LRP2: variants seen among roughly 807,000 people sequenced by gnomAD.
LRP2 encodes the protein LDL receptor related protein 2, also known as low-density lipoprotein receptor-related protein 2.
LRP2 carries 172 observed loss-of-function variants against 531.0 expected under a neutral mutation model. The observed-to-expected ratio is 0.32, with a 90% confidence interval of 0.29 to 0.37. The LOEUF (loss-of-function observed/expected upper bound fraction) is 0.37. LRP2 is among the 10% of genes least tolerant of loss of function. The pLI is 1.00. For missense variants in LRP2, 5,167 were observed against 5,868.3 expected (o/e 0.88, Z 3.90); for synonymous variants, 1,992 against 2,027.6 (o/e 0.98, Z 0.47).
At chr2:169,359,631 T>C (rs138415359) in intron 1 of LRP2, among the ~76,000 whole-genome samples, 259 of 152,180 alleles carry the variant, frequency 1.7e-3, no homozygotes, top group Non-Finnish European at 2.9e-3. Flanking sequence ...AGGAAATGCG[T>C]CTTAAAATGA....
chr2:169,240,858 C>G, intron 25 of LRP2, 130 bp downstream of exon 25: 2 of 1,067,130 alleles, frequency 1.9e-6, no homozygotes, highest in South Asian at 2.5e-5. Flanking sequence ...ACCCCCTACA[C>G]AGATGTGAAC....
chr2:169,343,715 G>C (rs570141894), intron 1 of LRP2, among the ~76,000 whole-genome samples: 5 of 152,292 alleles, frequency 3.3e-5, no homozygotes, highest in African/African-American at 1.2e-4. Flanking sequence ...GAAAGGGTTT[G>C]GCCACAGGTT....
chr2:169,305,178 C>T (rs868393627), intron 4 of LRP2, among the ~76,000 whole-genome samples: 2 of 152,162 alleles, frequency 1.3e-5, no homozygotes, highest in Non-Finnish European at 1.5e-5. Flanking sequence ...ATAGCACAGA[C>T]ATTTCTCCCA....
At chr2:169,318,032 G>A (rs768523400) in intron 3 of LRP2, among the ~76,000 whole-genome samples, 2 of 151,952 alleles carry the variant, frequency 1.3e-5, no homozygotes, top group South Asian at 2.1e-4. Context: ...AGCTGTGATC[G>A]CACCACTGCA....
chr2:169,216,267 T>C lies in LRP2; in HGVS notation c.5812A>G (p.Thr1938Ala). Reference sequence around the variant, plus strand: ...GGTGCTCATACCACTCCTCTTCCAGTGACTGCCCAGTAGAGTTTCTGCTCT... The same window carrying C: ...GGTGCTCATACCACTCCTCTTCCAGCGACTGCCCAGTAGAGTTTCTGCTCT... ...IEEQKLYWAV[T>A]GRGVIERGNV... Residue 1938 changes from threonine (T) to alanine (A), a missense_variant, in exon 35 of 79, where the codon ACT becomes GCT. Coordinates refer to ENST00000649046, the MANE Select transcript of LRP2 (RefSeq NM_004525.3). The C allele has an allele frequency of 6.2e-7, 1 of 1,613,460 alleles. No individual in the cohort carries two copies. Among genetic ancestry groups the C allele is most frequent in the Non-Finnish European group, 8.5e-7 (1 of 1,179,570 alleles).
intron 35 of LRP2, among the ~76,000 whole-genome samples, chr2:169,215,421 C>G (rs76747424): frequency 6.6e-6 from 1 of 152,168 alleles, no homozygotes; most frequent in South Asian, 2.1e-4. Flanking sequence ...AATGAGTGAA[C>G]GAGACTTTAT....
rs759714407 is a variant in LRP2 at position 169,202,964 on chromosome 2, A to G, written c.8006-5T>C. ...GGCACTCGGCACCATTTGGACCTGAAGAAAGATAATCCCAGAAGAAGTAAA... is the reference window on the plus strand; with the variant it reads ...GGCACTCGGCACCATTTGGACCTGAGGAAAGATAATCCCAGAAGAAGTAAA... On this transcript the variant is annotated splice_polypyrimidine_tract_variant and splice_region_variant and intron_variant, in intron 42 of 78. Transcript: ENST00000649046. 1 of 1,613,620 alleles carries G rather than the reference A, an allele frequency of 6.2e-7. No individual in the cohort carries two copies. Among genetic ancestry groups the G allele is most frequent in the Admixed American group, 1.7e-5 (1 of 60,004 alleles).
chr2:169,163,616 T>A (rs1284475281), intron 62 of LRP2, among the ~76,000 whole-genome samples: 1 of 152,208 alleles, frequency 6.6e-6, no homozygotes, highest in Non-Finnish European at 1.5e-5. Flanking sequence ...GGTTACTAAC[T>A]TTTAGAACAG....
At position 169,216,287 on chromosome 2, in the gene LRP2, T is replaced by C. The variant is rs759471913; in HGVS notation, c.5792A>G (p.Gln1931Arg). Reference protein sequence around the residue: ...LECVTLDIEEQKLYWAVTGRG... With the variant: ...LECVTLDIEERKLYWAVTGRG... ...TCCAGTGACTGCCCAGTAGAGTTTC[T>C]GCTCTTCGATGTCAAGAGTGACACA... The change falls in exon 35 of 79, where the codon CAG becomes CGG. Residue 1931 changes from glutamine to arginine, a missense_variant. Physicochemically the swap from Gln to Arg is conservative, Grantham distance 43. Coordinates refer to ENST00000649046, the MANE Select transcript of LRP2 (RefSeq NM_004525.3). 55 of 1,613,618 alleles carry C rather than the reference T, an allele frequency of 3.4e-5. No individual in the cohort carries two copies. The highest frequency in any genetic ancestry group is 4.2e-5 in the Non-Finnish European group (49 of 1,179,660).
At chr2:169,349,050 A>G (rs184806650) in intron 1 of LRP2, among the ~76,000 whole-genome samples, 2 of 152,300 alleles carry the variant, frequency 1.3e-5, no homozygotes, top group Admixed American at 1.3e-4. Context: ...TCATTTATTT[A>G]GCCCTTTTCT....
At chr2:169,284,247 CTTTTTTT>C (rs1342396746) in intron 9 of LRP2, among the ~76,000 whole-genome samples, 1 of 72,238 alleles carries the variant, frequency 1.4e-5, no homozygotes, top group African/African-American at 4.8e-5. Flanking sequence ...TTTTCTTTTT[CTTTTTTT>C]TCTTTTTTTT....
intron 1 of LRP2, among the ~76,000 whole-genome samples, chr2:169,329,643 G>C (rs1039718972): frequency 6.6e-6 from 1 of 152,172 alleles, no homozygotes; most frequent in African/African-American, 2.4e-5. Context: ...AAAGAGCTTG[G>C]AGCTCCACTT....
At position 169,216,426 on chromosome 2, in the gene LRP2, G is replaced by A; in HGVS notation, c.5653C>T (p.Leu1885=). 3.7e-6 allele frequency: 6 copies of A among 1,613,434 alleles called. No homozygotes were observed. Among genetic ancestry groups the A allele is most frequent in the Non-Finnish European group, 5.1e-6 (6 of 1,179,534 alleles). ...GITVDPARGK[L]YWSDQGTDSG... is the part of the protein sequence containing the mutation. The stretch of plus-strand genomic sequence containing the variant: ...TCAGTTCCTTGGTCTGACCAGTACA[G>A]CTTCCTACAACCATGAAAAACACCA... The change falls in exon 35 of 79, where the codon CTG becomes TTG. Residue 1885 remains leucine (L), a synonymous_variant. Transcript: ENST00000649046.
chr2:169,298,827 G>A lies in LRP2; in HGVS notation c.428-4117C>T, dbSNP rs1014535393. 2.6e-5 allele frequency among the ~76,000 whole-genome samples: 4 copies of A among 151,644 alleles called. No homozygotes were observed. The South Asian group carries it at 8.4e-4, about 32-fold the overall frequency. On this transcript the variant is annotated intron_variant, in intron 4 of 78. Coordinates refer to ENST00000649046, the MANE Select transcript of LRP2 (RefSeq NM_004525.3). ...CAGGAGAGTCAATACCAAAAAACAG[G>A]CCATAAAGTTAGTCTCATGAAGGTA...
In LRP2 at chr2:169,259,078, T is replaced by G; in HGVS notation, c.2460A>C (p.Thr820=). ...VMRLADKTRR[T]VVQYLNNPRS... ...GTGGGTTATTTAAATACTGAACTACTGTGCGTCTCGTTTTATCAGCTAGCC... is the reference window on the plus strand; with the variant it reads ...GTGGGTTATTTAAATACTGAACTACGGTGCGTCTCGTTTTATCAGCTAGCC... Residue 820 remains threonine, a synonymous_variant, in exon 17 of 79, where the codon ACA becomes ACC. Coordinates refer to ENST00000649046, the MANE Select transcript of LRP2 (RefSeq NM_004525.3). The G allele has an allele frequency of 6.2e-7, 1 of 1,612,914 alleles. No homozygotes were observed.
chr2:169,268,429 C>T (rs1446810134), intron 16 of LRP2, among the ~76,000 whole-genome samples: 1 of 152,312 alleles, frequency 6.6e-6, no homozygotes, highest in Non-Finnish European at 1.5e-5. Flanking sequence ...GGGCTTCATC[C>T]CTGTGATGCA....
In LRP2 at chr2:169,318,964, T is replaced by G. The variant is rs1684840486; in HGVS notation, c.188-80A>C. ...GCAAGCAATGCTTGTTCCAGAAGAG[T>G]GTATCATGTAAACTCCTGCTCAATT... On this transcript the variant is annotated intron_variant, in intron 2 of 78. Transcript: ENST00000649046. 2.6e-6 allele frequency: 4 copies of G among 1,561,856 alleles called. No individual in the cohort carries two copies. In the African/African-American group the frequency reaches 5.4e-5, roughly 21 times the overall value.
At position 169,280,361 on chromosome 2, in the gene LRP2, C is replaced by T. The variant is rs148503556; in HGVS notation, c.1330G>A (p.Val444Met). Residue 444 changes from valine (V) to methionine (M), a missense_variant, in exon 11 of 79, where the codon GTG (valine) becomes ATG (methionine). Physicochemically the swap from Val to Met is conservative, Grantham distance 21 (BLOSUM62 1). Transcript: ENST00000649046. The stretch of plus-strand genomic sequence containing the variant: ...AAATTTCTATTTACCTTATTTTGCA[C>T]GGTGTCTGTCCAAAAAACTCTTTGC... ...HLQRVFWTDT[V>M]QNKVFSVDIN... The T allele has an allele frequency of 7.6e-5, 122 of 1,614,038 alleles. No individual in the cohort carries two copies. The Admixed American group carries it at 8.5e-4, about 11-fold the overall frequency.
chr2:169,217,009 G>T (rs531242761), intron 34 of LRP2, among the ~76,000 whole-genome samples: 1 of 152,188 alleles, frequency 6.6e-6, no homozygotes, highest in South Asian at 2.1e-4. Flanking sequence ...GCTGTTATGG[G>T]GTAAGGAAGA....
Sources: gnomAD v4.1 joint callset for allele counts (sites outside exome capture counted in the v4.1 genomes callset) on GRCh38, gnomAD v4.1.1 for gene constraint, MANE v1.5 for transcripts, NCBI Gene and HGNC (gene_info 2026-07-23, HGNC 2026-07-21) for gene names.